PTGER2: variants seen among roughly 807,000 people sequenced by gnomAD.
PTGER2 encodes the protein prostaglandin E receptor 2.
PTGER2 carries 22 observed loss-of-function variants against 26.2 expected under a neutral mutation model. The observed-to-expected ratio is 0.84, with a 90% CI of 0.60 to 1.20. The LOEUF (loss-of-function observed/expected upper bound fraction) is 1.20, where lower values mean the gene tolerates loss of function less well. Ranked by LOEUF, PTGER2 falls within the 50% of genes most tolerant of loss-of-function variation. PTGER2 has a pLI of 0.00. For missense variants in PTGER2, 458 were observed against 475.2 expected, an observed-to-expected ratio of 0.96 and a Z score of 0.34; for synonymous variants, 219 against 208.9, an observed-to-expected ratio of 1.05 and a Z score of -0.42.
At chr14:52,325,117 C>T (rs542456123) in intron 1 of PTGER2, among the ~76,000 whole-genome samples, 28 of 151,770 alleles carry the variant, frequency 1.8e-4, no homozygotes, top group African/African-American at 4.1e-4. Flanking sequence ...CTATCCTGGG[C>T]GACAGAGTGA....
intron 1 of PTGER2, among the ~76,000 whole-genome samples, chr14:52,319,659 G>C (rs533306371): frequency 1.3e-5 from 2 of 152,308 alleles, no homozygotes; most frequent in South Asian, 4.1e-4. Flanking sequence ...TCTTGCCTCA[G>C]ATACTGTTTG....
rs2033965593 is a variant in PTGER2, at chr14:52,327,614, CA to C, written c.*162del. The C allele has an allele frequency of 1.6e-6, 1 of 617,564 alleles. No individual in the cohort carries two copies. Among genetic ancestry groups the C allele is most frequent in the Non-Finnish European group, 2.7e-6 (1 of 365,060 alleles). 38.3% of individuals were successfully genotyped at this position (617,564 alleles called of 1,614,324 possible). ...GTGGTCAAGGCTACAGATGTGCTGACAAGGCACTTCATGTAAAGTGTCAGAA... is the reference window on the plus strand; with the variant it reads ...GTGGTCAAGGCTACAGATGTGCTGACAGGCACTTCATGTAAAGTGTCAGAA... On this transcript the variant is annotated 3_prime_UTR_variant, in exon 2 of 2. Coordinates refer to ENST00000245457, the MANE Select transcript of PTGER2 (RefSeq NM_000956.4).
At chr14:52,317,985 A>T (rs1350504345) in intron 1 of PTGER2, among the ~76,000 whole-genome samples, 3 of 152,328 alleles carry the variant, frequency 2.0e-5, no homozygotes, top group Non-Finnish European at 4.4e-5. Flanking sequence ...AAGCTTTATG[A>T]AATGCTGTAC....
In PTGER2 at chr14:52,314,392, C is replaced by A; in HGVS notation, c.-157C>A. 3 of 913,182 alleles carry A rather than the reference C, an allele frequency of 3.3e-6. No individual in the cohort carries two copies. Among genetic ancestry groups the A allele is most frequent in the South Asian group, 1.1e-4 (2 of 18,452 alleles). The allele number at this position is 913,182 out of a possible 1,614,324, so 56.6% of individuals were successfully genotyped here. ...TCGGCGCGCGGCGGGAGACCCAGGGCAAGCCGCCGTCGGCGCGCTGGGTGC... is the reference window on the plus strand; with the variant it reads ...TCGGCGCGCGGCGGGAGACCCAGGGAAAGCCGCCGTCGGCGCGCTGGGTGC... On this transcript the variant is annotated 5_prime_UTR_variant, in exon 1 of 2. Coordinates refer to ENST00000245457, the MANE Select transcript of PTGER2 (RefSeq NM_000956.4). The surrounding 1 kb of genome is among the most constrained non-coding windows in gnomAD (Gnocchi z 5.7).
rs1189096443 is a variant in PTGER2 at position 52,314,779 on chromosome 14, C to A, written c.231C>A (p.Thr77=). Residue 77 remains threonine (T), a synonymous_variant, in exon 1 of 2, where the codon ACC becomes ACA. Transcript: ENST00000245457. This position sits in a 1 kb window ranked among gnomAD's most constrained non-coding sequence, Gnocchi z 5.7. ...FHVLVTELVF[T]DLLGTCLISP... ...TGCTGGTGACCGAGCTGGTGTTCAC[C>A]GACCTGCTCGGGACCTGCCTCATCA... The A allele has an allele frequency of 6.2e-7, 1 of 1,609,854 alleles. No homozygotes were observed. The highest frequency in any genetic ancestry group is 1.3e-5 in the African/African-American group (1 of 74,844).
chr14:52,321,690 A>T (rs987197274), intron 1 of PTGER2, among the ~76,000 whole-genome samples: 1 of 152,236 alleles, frequency 6.6e-6, no homozygotes, highest in African/African-American at 2.4e-5. Flanking sequence ...CTGATCTTCT[A>T]AACCTTCATT....
intron 1 of PTGER2, among the ~76,000 whole-genome samples, chr14:52,326,151 A>T (rs561751204): frequency 6.6e-6 from 1 of 152,302 alleles, no homozygotes; most frequent in South Asian, 2.1e-4. Context: ...TGCTCCCTAA[A>T]TAACTAAGAA....
At chr14:52,317,716 GC>G (rs1167959757) in intron 1 of PTGER2, among the ~76,000 whole-genome samples, 10 of 152,186 alleles carry the variant, frequency 6.6e-5, no homozygotes, top group African/African-American at 2.2e-4. Context: ...GACACTATCA[GC>G]AAACTGCTTT....
chr14:52,316,913 G>A (rs187268581), intron 1 of PTGER2, among the ~76,000 whole-genome samples: 5 of 152,264 alleles, frequency 3.3e-5, no homozygotes, highest in Admixed American at 1.3e-4. Context: ...TCTGAGCAGG[G>A]GAGTTTATGC....
Position 52,314,432 on chromosome 14 carries a change from G to A in PTGER2, c.-117G>A. 1.7e-6 allele frequency: 2 copies of A among 1,203,796 alleles called. No individual in the cohort carries two copies. The highest frequency in any genetic ancestry group is 2.1e-6 in the Non-Finnish European group (2 of 935,162). 74.6% of individuals were successfully genotyped at this position (1,203,796 alleles called of 1,614,324 possible). A position where few individuals can be genotyped will look rare whatever the true frequency, so the allele number is the denominator to read the frequency against. On this transcript the variant is annotated 5_prime_UTR_variant, in exon 1 of 2. Transcript: ENST00000245457. The surrounding 1 kb of genome is among the most constrained non-coding windows in gnomAD (Gnocchi z 5.7). ...GCGCTGGGTGCGGGAAGGGGGCTCT[G>A]GATTTCGGTCCCTCCCCTTTTTCCT... is the stretch of plus-strand genomic sequence containing the variant.
Position 52,314,830 on chromosome 14 carries a change from G to A in PTGER2, c.282G>A (p.Ala94=). The change falls in exon 1 of 2, where the codon GCG becomes GCA. Residue 94 remains alanine (A), a synonymous_variant. Coordinates refer to ENST00000245457, the MANE Select transcript of PTGER2 (RefSeq NM_000956.4). This position sits in a 1 kb window ranked among gnomAD's most constrained non-coding sequence, Gnocchi z 5.7. ...LISPVVLASY[A]RNQTLVALAP... is the part of the protein sequence containing the mutation. ...GCCCAGTGGTACTGGCTTCGTACGC[G>A]CGGAACCAGACCCTGGTGGCACTGG... 3 of 1,613,110 alleles carry A rather than the reference G, an allele frequency of 1.9e-6. No individual in the cohort carries two copies. The highest frequency in any genetic ancestry group is 2.5e-6 in the Non-Finnish European group (3 of 1,179,972).
At chr14:52,326,138 T>A (rs765268354) in intron 1 of PTGER2, among the ~76,000 whole-genome samples, 9 of 152,252 alleles carry the variant, frequency 5.9e-5, no homozygotes, top group Non-Finnish European at 1.2e-4. Flanking sequence ...CAAACATTTA[T>A]GTTGCTCCCT....
chr14:52,327,085 C>A, intron 1 of PTGER2, 136 bp from the exon 2 acceptor site: 1 of 630,102 alleles, frequency 1.6e-6, no homozygotes, highest in South Asian at 2.0e-5. Flanking sequence ...ATTCCCAACC[C>A]CCACCTTTCG....
rs148487937 is a variant in PTGER2, at chr14:52,322,598, T to A, written c.844-4623T>A. 7.8e-3 allele frequency among the ~76,000 whole-genome samples: 1,190 copies of A among 152,018 alleles called. 18 individuals are homozygous for A. The highest frequency in any genetic ancestry group is 0.027 in the African/African-American group (1,135 of 41,442). On this transcript the variant is annotated intron_variant, in intron 1 of 1. Coordinates refer to ENST00000245457, the MANE Select transcript of PTGER2 (RefSeq NM_000956.4). ...CTGACCTCAAATTAACCAGGGTGGG[T>A]TTTTTTCCCCACCCTAGTAAGCCTG...
intron 1 of PTGER2, among the ~76,000 whole-genome samples, chr14:52,322,698 G>A (rs1307586401): frequency 6.6e-5 from 10 of 152,002 alleles, no homozygotes; most frequent in African/African-American, 1.5e-4. Context: ...CAGAGCGGCC[G>A]TTTATAGACC....
In PTGER2 at chr14:52,315,283, C is replaced by A. The variant is rs551869499; in HGVS notation, c.735C>A (p.Pro245=). ...CCCTGGGCAGTGGCCGGGGCGGCCC[C>A]GGGGCCCGCAGGAGAGGGGAAAGGG... ...GPSLGSGRGG[P]GARRRGERVS... is the part of the protein sequence containing the mutation. The change falls in exon 1 of 2, where the codon CCC becomes CCA. Residue 245 remains proline, a synonymous_variant. Transcript: ENST00000245457. 8.7e-6 allele frequency: 14 copies of A among 1,612,626 alleles called. No homozygotes were observed. The highest frequency in any genetic ancestry group is 1.1e-5 in the Non-Finnish European group (13 of 1,179,682).
rs868773265 is a variant in PTGER2, at chr14:52,315,327, C to T, written c.779C>T (p.Thr260Met). The change falls in exon 1 of 2, where the codon ACG becomes ATG. Residue 260 changes from threonine to methionine, a missense_variant. Coordinates refer to ENST00000245457, the MANE Select transcript of PTGER2 (RefSeq NM_000956.4). Reference protein sequence around the residue: ...RGERVSMAEETDHLILLAIMT... With the variant: ...RGERVSMAEEMDHLILLAIMT... ...GAAAGGGTGTCCATGGCGGAGGAGA[C>T]GGACCACCTCATTCTCCTGGCTATC... 4 of 1,613,366 alleles carry T rather than the reference C, an allele frequency of 2.5e-6. No homozygotes were observed. Among genetic ancestry groups the T allele is most frequent in the East Asian group, 2.2e-5 (1 of 44,798 alleles).
At chr14:52,320,008 T>C (rs971419322) in intron 1 of PTGER2, among the ~76,000 whole-genome samples, 1 of 152,200 alleles carries the variant, frequency 6.6e-6, no homozygotes, top group African/African-American at 2.4e-5. Context: ...AAAGCTGATA[T>C]GACATTGGTA....
At chr14:52,321,724 T>C (rs1367100530) in intron 1 of PTGER2, among the ~76,000 whole-genome samples, 1 of 152,224 alleles carries the variant, frequency 6.6e-6, no homozygotes, top group Non-Finnish European at 1.5e-5. Flanking sequence ...GGAATAATAA[T>C]ACTTCGTAGG....
Sources: gnomAD v4.1 joint callset for allele counts (sites outside exome capture counted in the v4.1 genomes callset) on GRCh38, gnomAD v4.1.1 for gene constraint, Gnocchi (gnomAD v3.1) non-coding constraint, MANE v1.5 for transcripts, NCBI Gene and HGNC (gene_info 2026-07-23, HGNC 2026-07-21) for gene names.